KCNH5: variants seen among roughly 807,000 people sequenced by gnomAD.
KCNH5 encodes potassium voltage-gated channel subfamily H member 5.
KCNH5 carries 46 observed loss-of-function variants against 96.1 expected under a neutral mutation model. That is an observed-to-expected ratio of 0.48 (90% CI 0.38 to 0.61). The LOEUF (loss-of-function observed/expected upper bound fraction) is 0.61, where lower values mean the gene tolerates loss of function less well. Among genes scored for constraint, KCNH5 ranks in the 20% least tolerant of loss-of-function variants. The probability of loss-of-function intolerance (pLI) is 0.00; values close to 1 mark genes in which losing one functional copy is unlikely to be tolerated. For synonymous variants in KCNH5, 439 were observed against 449.8 expected (o/e 0.98, Z 0.30); for missense variants, 907 against 1,225.8 (o/e 0.74, Z 3.88).
intron 9 of KCNH5, among the ~76,000 whole-genome samples, chr14:62,785,498 G>A (rs2139982156): frequency 6.6e-6 from 1 of 152,302 alleles, no homozygotes. Context: ...CTGGGTACAA[G>A]TAGTCTCTGC....
intron 10 of KCNH5, among the ~76,000 whole-genome samples, chr14:62,752,420 G>A (rs1885522126): frequency 6.6e-6 from 1 of 151,990 alleles, no homozygotes; most frequent in Admixed American, 6.6e-5. Context: ...CCAGATTGCA[G>A]GCTTTGGTTA....
chr14:62,978,557 T>C (rs994979929), intron 6 of KCNH5, among the ~76,000 whole-genome samples: 42 of 148,882 alleles, frequency 2.8e-4, no homozygotes, highest in Middle Eastern at 3.5e-3. Flanking sequence ...CCTGCACTCC[T>C]GCTTGAGCGA....
At chr14:62,804,218 T>C (rs1886720783) in intron 8 of KCNH5, among the ~76,000 whole-genome samples, 2 of 152,164 alleles carry the variant, frequency 1.3e-5, no homozygotes, top group Admixed American at 6.6e-5. Flanking sequence ...CTCCCTCAAA[T>C]TTCTATAGGC....
At position 62,744,673 on chromosome 14, in the gene KCNH5, C is replaced by T. The variant is rs532028452; in HGVS notation, c.2019+35055G>A. 9.8e-4 allele frequency among the ~76,000 whole-genome samples: 149 copies of T among 152,222 alleles called. 1 individual carries two copies. Among genetic ancestry groups the T allele is most frequent in the Admixed American group, 1.6e-3 (24 of 15,276 alleles). ...CACATAAGTTTGCATATTATAGATT[C>T]GTAAGTAGATAAACTAAATGAAAAT... On this transcript the variant is annotated intron_variant, in intron 10 of 10. Transcript: ENST00000322893.
intron 7 of KCNH5, among the ~76,000 whole-genome samples, chr14:62,923,523 C>CA (rs1437471760): frequency 1.3e-5 from 2 of 151,752 alleles, no homozygotes; most frequent in Admixed American, 6.6e-5. Context: ...CAATCTTGTG[C>CA]AAAAAATACA....
At chr14:63,003,614 A>ACATAATATATATATTTATATTTATATT (rs1272522940) in intron 3 of KCNH5, among the ~76,000 whole-genome samples, 3 of 113,744 alleles carry the variant, frequency 2.6e-5, no homozygotes, top group African/African-American at 1.1e-4. Flanking sequence ...ATATTTATAT[A>ACATAATATATATATTTATATTTATATT]TATATATATA....
At chr14:63,016,021 A>G (rs1286772028) in intron 2 of KCNH5, among the ~76,000 whole-genome samples, 3 of 151,158 alleles carry the variant, frequency 2.0e-5, no homozygotes, top group Admixed American at 2.0e-4. Context: ...ACATAGCTCT[A>G]CCTCAGTTTT....
chr14:62,904,325 A>C (rs1237537752), intron 7 of KCNH5, among the ~76,000 whole-genome samples: 1 of 152,234 alleles, frequency 6.6e-6, no homozygotes, highest in East Asian at 1.9e-4. Flanking sequence ...CGCTAAATTC[A>C]GCCATACTAC....
At chr14:62,990,439 T>G (rs1409061551) in intron 4 of KCNH5, among the ~76,000 whole-genome samples, 1 of 152,048 alleles carries the variant, frequency 6.6e-6, no homozygotes, top group Non-Finnish European at 1.5e-5. Context: ...ATATTTCATC[T>G]CTTTTCTTTA....
At chr14:62,713,125 A>G (rs754401277) in intron 10 of KCNH5, among the ~76,000 whole-genome samples, 1 of 152,182 alleles carries the variant, frequency 6.6e-6, no homozygotes, top group Non-Finnish European at 1.5e-5. Flanking sequence ...ATTTGTAATA[A>G]ACAAATGTTA....
chr14:63,015,412 G>A (rs1012643956), intron 2 of KCNH5, among the ~76,000 whole-genome samples: 3 of 151,980 alleles, frequency 2.0e-5, no homozygotes, highest in African/African-American at 7.2e-5. Flanking sequence ...TATCTAGAGA[G>A]GGAAAGAGAG....
chr14:62,816,333 A>AAT (rs1175357460), intron 8 of KCNH5, among the ~76,000 whole-genome samples: 13 of 151,908 alleles, frequency 8.6e-5, no homozygotes, highest in Non-Finnish European at 1.8e-4. Flanking sequence ...TGTGTGAAAA[A>AAT]ATATATATAT....
chr14:62,866,696 G>T (rs977211211), intron 7 of KCNH5, among the ~76,000 whole-genome samples: 1 of 152,108 alleles, frequency 6.6e-6, no homozygotes, highest in Non-Finnish European at 1.5e-5. Context: ...AAATATGCCA[G>T]CTAAGTGTCC....
intron 10 of KCNH5, among the ~76,000 whole-genome samples, chr14:62,772,505 C>T (rs1387980798): frequency 6.6e-6 from 1 of 151,812 alleles, no homozygotes; most frequent in African/African-American, 2.4e-5. Context: ...GGCGTGGTGT[C>T]GTGCACCTGT....
Position 62,707,447 on chromosome 14 carries a change from T to G in KCNH5, c.*61A>C, listed in dbSNP as rs1047592957. ...AGTGAAAATATATATATGTATATAC[T>G]GTATATACACACATATGTATATACT... On this transcript the variant is annotated 3_prime_UTR_variant, in exon 11 of 11. Coordinates refer to ENST00000322893, the MANE Select transcript of KCNH5 (RefSeq NM_139318.5). 99 of 719,802 alleles carry G rather than the reference T, an allele frequency of 1.4e-4. No homozygotes were observed. The highest frequency in any genetic ancestry group is 4.3e-4 in the Middle Eastern group (1 of 2,314). 44.6% of individuals were successfully genotyped at this position (719,802 alleles called of 1,614,324 possible).
chr14:62,829,374 T>C (rs567392121), intron 8 of KCNH5, among the ~76,000 whole-genome samples: 1 of 152,286 alleles, frequency 6.6e-6, no homozygotes, highest in South Asian at 2.1e-4. Flanking sequence ...GCAGAGGTTC[T>C]CCCTAAGGGC....
At chr14:62,725,764 T>C (rs947522928) in intron 10 of KCNH5, among the ~76,000 whole-genome samples, 4 of 152,158 alleles carry the variant, frequency 2.6e-5, no homozygotes, top group Admixed American at 2.6e-4. Context: ...ATAATCCAAA[T>C]CAAAATCCTG....
intron 7 of KCNH5, among the ~76,000 whole-genome samples, chr14:62,903,577 G>A (rs188067646): frequency 4.6e-5 from 7 of 152,248 alleles, no homozygotes; most frequent in East Asian, 1.9e-4. Context: ...TTCAGTTGTC[G>A]CATTCTCTTA....
At chr14:62,907,629 A>G (rs753730315) in intron 7 of KCNH5, among the ~76,000 whole-genome samples, 9 of 152,206 alleles carry the variant, frequency 5.9e-5, no homozygotes, top group Admixed American at 2.0e-4. Context: ...TTGAGGGTCA[A>G]TTGCCTAGAC....
Sources: gnomAD v4.1 joint callset for allele counts (sites outside exome capture counted in the v4.1 genomes callset) on GRCh38, gnomAD v4.1.1 for gene constraint, MANE v1.5 for transcripts, NCBI Gene and HGNC (gene_info 2026-07-23, HGNC 2026-07-21) for gene names.